Variants in AFF3 observed in about 807,000 individuals in gnomAD.
AFF3 encodes AF4/FMR2 family member 3.
AFF3 carries 32 observed loss-of-function variants against 129.7 expected under a neutral mutation model. The ratio of observed to expected loss-of-function variants is 0.25; its 90% CI spans 0.19 to 0.33. AFF3 has a LOEUF of 0.33. Among genes scored for constraint, AFF3 ranks in the 10% least tolerant of loss-of-function variants. The pLI is 1.00. For missense variants in AFF3, 1,373 were observed against 1,592.0 expected (o/e 0.86, Z 2.34); for synonymous variants, 644 against 635.4 (o/e 1.01, Z -0.20).
chr2:99,779,224 G>GT (rs1684200541), intron 8 of AFF3, among the ~76,000 whole-genome samples: 1 of 152,082 alleles, frequency 6.6e-6, no homozygotes, highest in Non-Finnish European at 1.5e-5. Flanking sequence ...TTTGTTGGGT[G>GT]TTTTTATCAT....
chr2:99,926,517 T>C (rs1298897130), intron 7 of AFF3, among the ~76,000 whole-genome samples: 1 of 152,188 alleles, frequency 6.6e-6, no homozygotes, highest in African/African-American at 2.4e-5. Context: ...ACATTACACA[T>C]ACATACATAT....
chr2:99,606,399 C>A (rs1024552191), intron 13 of AFF3, among the ~76,000 whole-genome samples: 1 of 152,088 alleles, frequency 6.6e-6, no homozygotes, highest in African/African-American at 2.4e-5. Context: ...GAACACGGTG[C>A]CATTTGACAG....
At chr2:99,740,657 GTTGT>G (rs1351833137) in intron 10 of AFF3, among the ~76,000 whole-genome samples, 18 of 151,730 alleles carry the variant, frequency 1.2e-4, no homozygotes, top group Non-Finnish European at 1.9e-4. Flanking sequence ...TTTTGATGGG[GTTGT>G]TTGTTTTTTT....
At chr2:99,646,542 TGA>T (rs1372788753) in intron 13 of AFF3, among the ~76,000 whole-genome samples, 1 of 152,144 alleles carries the variant, frequency 6.6e-6, no homozygotes, top group African/African-American at 2.4e-5. Context: ...TTTGTGTAAA[TGA>T]ATGTATAATA....
chr2:100,085,523 C>T (rs1250342489), intron 4 of AFF3, among the ~76,000 whole-genome samples: 1 of 149,540 alleles, frequency 6.7e-6, no homozygotes. Context: ...TTCCCAAATC[C>T]AATAAGCAAA....
At chr2:99,974,810 C>T (rs1339169675) in intron 7 of AFF3, among the ~76,000 whole-genome samples, 1 of 152,208 alleles carries the variant, frequency 6.6e-6, no homozygotes, top group Non-Finnish European at 1.5e-5. Context: ...TCTCCCAGTG[C>T]ACCCACTGGT....
intron 11 of AFF3, among the ~76,000 whole-genome samples, chr2:99,680,569 AT>A (rs1440580881): frequency 5.3e-5 from 8 of 152,284 alleles, no homozygotes; most frequent in Admixed American, 5.2e-4. Context: ...ATATGTACGT[AT>A]TTATATGGCT....
chr2:99,691,104 T>C (rs1675612330), intron 11 of AFF3, among the ~76,000 whole-genome samples: 1 of 152,080 alleles, frequency 6.6e-6, no homozygotes, highest in South Asian at 2.1e-4. Context: ...TCTGGCCTTG[T>C]CTCCTCTTCT....
chr2:99,783,030 TG>T (rs1684522178), intron 8 of AFF3, among the ~76,000 whole-genome samples: 1 of 152,236 alleles, frequency 6.6e-6, no homozygotes, highest in Non-Finnish European at 1.5e-5. Context: ...GCTTGGTACC[TG>T]GCGCCCAGGC....
intron 4 of AFF3, among the ~76,000 whole-genome samples, chr2:100,092,256 A>T (rs1256674023): frequency 1.3e-5 from 2 of 151,824 alleles, no homozygotes; most frequent in African/African-American, 4.8e-5. Context: ...CAAGCTAGAT[A>T]GCCTCAAAGC....
At chr2:99,597,501 G>A (rs139419913) in intron 14 of AFF3, among the ~76,000 whole-genome samples, 7 of 152,340 alleles carry the variant, frequency 4.6e-5, no homozygotes, top group Non-Finnish European at 5.9e-5. Context: ...CTAGGTCAGG[G>A]AGGCAGATTG....
chr2:99,624,587 G>A (rs59718780), intron 13 of AFF3, among the ~76,000 whole-genome samples: 9,187 of 152,188 alleles, frequency 0.06, 933 homozygotes, highest in African/African-American at 0.21. Context: ...AATGCCACTT[G>A]CAAGGAGGTG....
At chr2:99,604,393 G>A (rs113282907) in intron 13 of AFF3, among the ~76,000 whole-genome samples, 1 of 152,262 alleles carries the variant, frequency 6.6e-6, no homozygotes, top group East Asian at 1.9e-4. Flanking sequence ...AATGCCACGT[G>A]TTCTCACTTA....
chr2:99,969,023 G>T (rs1376331311), intron 7 of AFF3, among the ~76,000 whole-genome samples: 2 of 152,132 alleles, frequency 1.3e-5, no homozygotes, highest in African/African-American at 4.8e-5. Context: ...CTCTGGAGTC[G>T]GGCGGAACAA....
At chr2:99,551,900 A>G (rs376450202) in intron 24 of AFF3, among the ~76,000 whole-genome samples, 6 of 151,992 alleles carry the variant, frequency 3.9e-5, no homozygotes, top group African/African-American at 1.4e-4. Context: ...AATGCTTCCC[A>G]CTCCTGAACG....
intron 17 of AFF3, among the ~76,000 whole-genome samples, chr2:99,581,396 G>A (rs762586688): frequency 7.2e-5 from 11 of 152,132 alleles, no homozygotes; most frequent in Non-Finnish European, 1.3e-4. Flanking sequence ...ATTTCCTGAG[G>A]ATGCTGTAAG....
rs75325526 is a variant in AFF3, at chr2:99,938,634, A to G, written c.873+67998T>C. On this transcript the variant is annotated intron_variant, in intron 7 of 24. Transcript: ENST00000672756. Reference sequence around the variant, plus strand: ...GTGTAATGTGGGTGGGCCTCATCCAATTAGTTGGAGGCTTTAAGAGAAAAA... The same window carrying G: ...GTGTAATGTGGGTGGGCCTCATCCAGTTAGTTGGAGGCTTTAAGAGAAAAA... Among the ~76,000 whole-genome samples, 5 of 152,286 alleles carry G rather than the reference A, an allele frequency of 3.3e-5. No homozygotes were observed. The East Asian group carries it at 9.6e-4, about 29-fold the overall frequency.
At chr2:99,988,258 AAAG>A (rs1261961187) in intron 7 of AFF3, among the ~76,000 whole-genome samples, 1 of 152,210 alleles carries the variant, frequency 6.6e-6, no homozygotes, top group African/African-American at 2.4e-5. Flanking sequence ...AGGCAATGAT[AAAG>A]AAGATTTAGT....
Position 100,104,008 on chromosome 2 carries a change from G to C in AFF3, c.53+394C>G, listed in dbSNP as rs893023906. ...CAACTCCAGGGGGTCGGTGGTGCCAGCCGGAGGAGGGAGGGGGCGCAGTCG... is the reference window on the plus strand; with the variant it reads ...CAACTCCAGGGGGTCGGTGGTGCCACCCGGAGGAGGGAGGGGGCGCAGTCG... On this transcript the variant is annotated intron_variant, in intron 4 of 24. Coordinates refer to ENST00000672756, the MANE Select transcript of AFF3 (RefSeq NM_001386135.1). Among the ~76,000 whole-genome samples, 40 of 151,732 alleles carry C rather than the reference G, an allele frequency of 2.6e-4. No homozygotes were observed. The East Asian group carries it at 6.4e-3, about 24-fold the overall frequency.
Sources: allele counts gnomAD v4.1 joint callset (sites outside exome capture counted in the v4.1 genomes callset), GRCh38; gene constraint gnomAD v4.1.1; transcripts MANE v1.5; gene names NCBI Gene and HGNC (gene_info 2026-07-23, HGNC 2026-07-21).